MACROD2: variants seen among roughly 807,000 people sequenced by gnomAD.
The protein encoded by MACROD2 is ADP-ribose glycohydrolase MACROD2.
A neutral mutation model predicts 70.4 loss-of-function variants in MACROD2; 36 were observed. That is an observed-to-expected ratio of 0.51 (90% CI 0.39 to 0.68). The LOEUF is 0.68. Among genes scored for constraint, MACROD2 ranks in the 30% least tolerant of loss-of-function variants. The pLI is 0.00. For synonymous variants in MACROD2, 172 were observed against 178.8 expected (o/e 0.96, Z 0.30); for missense variants, 496 against 538.4 (o/e 0.92, Z 0.78).
chr20:14,125,849 C>G (rs889257111), intron 3 of MACROD2, among the ~76,000 whole-genome samples: 6 of 152,088 alleles, frequency 3.9e-5, no homozygotes, highest in African/African-American at 1.4e-4. Flanking sequence ...AAAGAAATAG[C>G]CACTTTATTG....
At chr20:14,069,151 T>G (rs1412239893) in intron 2 of MACROD2, among the ~76,000 whole-genome samples, 1 of 152,320 alleles carries the variant, frequency 6.6e-6, no homozygotes, top group East Asian at 1.9e-4. Context: ...TTCACCATGT[T>G]AACCAGGCTG....
At chr20:15,416,686 C>A (rs923793016) in intron 6 of MACROD2, among the ~76,000 whole-genome samples, 6 of 152,056 alleles carry the variant, frequency 3.9e-5, no homozygotes, top group African/African-American at 9.7e-5. Context: ...AGTCGGATCA[C>A]GAGGTCAGGA....
intron 3 of MACROD2, among the ~76,000 whole-genome samples, chr20:14,379,356 T>A (rs532465246): frequency 6.6e-6 from 1 of 152,288 alleles, no homozygotes; most frequent in Admixed American, 6.5e-5. Flanking sequence ...TTAACAGCTT[T>A]ATTGAGGTGT....
chr20:15,503,481 A>C (rs1212487385), intron 8 of MACROD2, among the ~76,000 whole-genome samples: 1 of 152,244 alleles, frequency 6.6e-6, no homozygotes, highest in Admixed American at 6.5e-5. Flanking sequence ...TAGTCAAACT[A>C]GCTTACATAA....
intron 5 of MACROD2, among the ~76,000 whole-genome samples, chr20:14,687,006 C>T (rs561116582): frequency 1.3e-5 from 2 of 152,202 alleles, no homozygotes; most frequent in South Asian, 2.1e-4. Flanking sequence ...TGGGTATTAA[C>T]GGTGATTTCT....
At chr20:14,217,963 G>T (rs910296119) in intron 3 of MACROD2, among the ~76,000 whole-genome samples, 5 of 152,000 alleles carry the variant, frequency 3.3e-5, no homozygotes, top group Admixed American at 3.3e-4. Context: ...AAAGTTCCAC[G>T]CGCTGTTGAA....
intron 8 of MACROD2, among the ~76,000 whole-genome samples, chr20:15,849,067 C>A (rs2064267290): frequency 6.6e-6 from 1 of 152,134 alleles, no homozygotes; most frequent in Admixed American, 6.5e-5. Context: ...GAGGTAGAGG[C>A]TAGGGTGGCT....
At position 15,618,481 on chromosome 20, in the gene MACROD2, T is replaced by C. The variant is rs2049073526; in HGVS notation, c.645+118634T>C. On this transcript the variant is annotated intron_variant, in intron 8 of 17. Transcript: ENST00000684519. ...AGAAGGACCGTCAGGAATGTTTTTATCAACTCCAAGCTCTAATTCATATTC... is the reference window on the plus strand; with the variant it reads ...AGAAGGACCGTCAGGAATGTTTTTACCAACTCCAAGCTCTAATTCATATTC... Among the ~76,000 whole-genome samples, 3 of 152,312 alleles carry C rather than the reference T, an allele frequency of 2.0e-5. No homozygotes were observed. In the South Asian group the frequency reaches 6.2e-4, roughly 32 times the overall value.
intron 3 of MACROD2, among the ~76,000 whole-genome samples, chr20:14,230,077 G>C (rs2081787259): frequency 6.6e-6 from 1 of 152,142 alleles, no homozygotes; most frequent in Non-Finnish European, 1.5e-5. Context: ...ATGATCATCT[G>C]AGTCTTCAGT....
chr20:14,631,648 G>T (rs1033150238), intron 4 of MACROD2, among the ~76,000 whole-genome samples: 1 of 152,116 alleles, frequency 6.6e-6, no homozygotes, highest in African/African-American at 2.4e-5. Flanking sequence ...GGTGGCGGGC[G>T]CCTGTAGTCC....
chr20:14,170,432 G>A (rs372988774), intron 3 of MACROD2, among the ~76,000 whole-genome samples: 1 of 152,062 alleles, frequency 6.6e-6, no homozygotes, highest in African/African-American at 2.4e-5. Context: ...CAGTTCTCAG[G>A]GGAAATGCTT....
intron 8 of MACROD2, among the ~76,000 whole-genome samples, chr20:15,621,085 T>C (rs76098535): frequency 0.021 from 3,227 of 152,224 alleles, 36 homozygotes; most frequent in East Asian, 0.039. Flanking sequence ...TTCCTGAGGA[T>C]ACTTGGGGAT....
intron 4 of MACROD2, among the ~76,000 whole-genome samples, chr20:14,592,615 G>A (rs948545091): frequency 5.9e-5 from 9 of 152,010 alleles, no homozygotes; most frequent in Non-Finnish European, 1.0e-4. Flanking sequence ...TTTTTGTAGC[G>A]ACAGGGCCTT....
At chr20:14,155,461 A>G (rs1444387332) in intron 3 of MACROD2, among the ~76,000 whole-genome samples, 1 of 152,176 alleles carries the variant, frequency 6.6e-6, no homozygotes, top group East Asian at 1.9e-4. Flanking sequence ...TATCTGTGGT[A>G]TAAGGAATGT....
At chr20:14,234,287 A>G (rs1358547314) in intron 3 of MACROD2, among the ~76,000 whole-genome samples, 1 of 152,204 alleles carries the variant, frequency 6.6e-6, no homozygotes, top group Non-Finnish European at 1.5e-5. Context: ...TATTCTATTG[A>G]TTGTTCATAT....
intron 5 of MACROD2, among the ~76,000 whole-genome samples, chr20:15,172,727 G>A (rs1285780682): frequency 6.6e-6 from 1 of 152,158 alleles, no homozygotes; most frequent in East Asian, 1.9e-4. Flanking sequence ...AAATCTTTAT[G>A]GAGTGCCTCT....
chr20:15,175,423 TATA>T (rs1168263107), intron 5 of MACROD2, among the ~76,000 whole-genome samples: 1 of 152,042 alleles, frequency 6.6e-6, no homozygotes, highest in East Asian at 1.9e-4. Context: ...AAACTTAAAG[TATA>T]ATAATAATAA....
intron 4 of MACROD2, among the ~76,000 whole-genome samples, chr20:14,505,256 T>C (rs1256391688): frequency 6.6e-6 from 1 of 152,148 alleles, no homozygotes; most frequent in Non-Finnish European, 1.5e-5. Context: ...GTATGTACAG[T>C]ATATAGCTTT....
At chr20:15,101,225 A>G (rs1438319699) in intron 5 of MACROD2, among the ~76,000 whole-genome samples, 1 of 152,032 alleles carries the variant, frequency 6.6e-6, no homozygotes, top group Non-Finnish European at 1.5e-5. Flanking sequence ...TTTGTGCTCT[A>G]TTTTTGTACC....
Sources: gnomAD v4.1 joint callset for allele counts (sites outside exome capture counted in the v4.1 genomes callset) on GRCh38, gnomAD v4.1.1 for gene constraint, MANE v1.5 for transcripts, NCBI Gene and HGNC (gene_info 2026-07-23, HGNC 2026-07-21) for gene names.